Variants in ZNF473 observed in about 807,000 individuals in gnomAD.
ZNF473 encodes the protein zinc finger protein 473.
Under a neutral mutation model 11.1 loss-of-function variants are expected in ZNF473, and 4 were observed. The ratio of observed to expected loss-of-function variants is 0.36; its 90% CI spans 0.18 to 0.82. The LOEUF is 0.82. Ranked by LOEUF, ZNF473 falls within the 40% of genes least tolerant of loss-of-function variation. The pLI is 0.49. For synonymous variants in ZNF473, 404 were observed against 390.4 expected (o/e 1.03, Z -0.41); for missense variants, 854 against 1,084.0 (o/e 0.79, Z 2.98).
In ZNF473 at chr19:50,047,880, C is replaced by T. The variant is rs1979229586; in HGVS notation, c.*821C>T. 1.3e-5 allele frequency: 2 copies of T among 152,204 alleles called. No homozygotes were observed. Among genetic ancestry groups the T allele is most frequent in the African/African-American group, 4.8e-5 (2 of 41,440 alleles). The allele number at this position is 152,204 out of a possible 1,614,324, so 9.4% of individuals were successfully genotyped here. A position where few individuals can be genotyped will look rare whatever the true frequency, so the allele number is the denominator to read the frequency against. ...GTTGACACCAAAACACAGCTGGATT[C>T]CATCAGGAAAGCTGCATTGATCAGG... On this transcript the variant is annotated 3_prime_UTR_variant, in exon 5 of 5. Coordinates refer to ENST00000270617, the MANE Select transcript of ZNF473 (RefSeq NM_015428.4).
At chr19:50,044,629 C>A in intron 4 of ZNF473, 41 bp from the exon 5 acceptor site, 1 of 1,513,148 alleles carries the variant, frequency 6.6e-7, no homozygotes, top group South Asian at 1.2e-5. Flanking sequence ...TCTGTGTTCT[C>A]ACCCTTAGTG....
chr19:50,040,372 G>C (rs1320056243), intron 3 of ZNF473, among the ~76,000 whole-genome samples: 2 of 152,226 alleles, frequency 1.3e-5, no homozygotes, highest in East Asian at 3.8e-4. Flanking sequence ...TTTACTGGGG[G>C]CTGGTCATGT....
At chr19:50,027,662 G>C (rs138521203) in intron 1 of ZNF473, among the ~76,000 whole-genome samples, 76 of 152,240 alleles carry the variant, frequency 5.0e-4, no homozygotes, top group African/African-American at 1.6e-3. Flanking sequence ...AGGTGAGGCT[G>C]CGGGGCCTTG....
chr19:50,034,375 AG>A (rs1185481284), intron 2 of ZNF473, among the ~76,000 whole-genome samples: 8 of 152,172 alleles, frequency 5.3e-5, no homozygotes, highest in Non-Finnish European at 1.0e-4. Flanking sequence ...CAGCAAGAGG[AG>A]GATGCTGTTT....
chr19:50,038,412 T>TC (rs1568407457), intron 2 of ZNF473, among the ~76,000 whole-genome samples: 1 of 151,900 alleles, frequency 6.6e-6, no homozygotes, highest in African/African-American at 2.4e-5. Flanking sequence ...AGTGGGTCTT[T>TC]CCCCCAGAAG....
rs2278284 is a variant in ZNF473 at position 50,039,609 on chromosome 19, C to T, written c.136+322C>T. Among the ~76,000 whole-genome samples the T allele has an allele frequency of 0.13, 20,300 of 152,318 alleles. 1,534 individuals are homozygous for T. Among genetic ancestry groups the T allele is most frequent in the East Asian group, 0.34 (1,742 of 5,178 alleles). On this transcript the variant is annotated intron_variant, in intron 3 of 4. Transcript: ENST00000270617. This position sits in a 1 kb window ranked among gnomAD's most constrained non-coding sequence, Gnocchi z 4.8. ...GTCAGTAGTGCTAAGCCTGGGAAAC[C>T]CTGCTCTGGCCCCTATCTGCCTCCC...
Position 50,047,340 on chromosome 19 carries a change from G to A in ZNF473, c.*281G>A. The A allele has an allele frequency of 2.8e-6, 1 of 361,464 alleles. No individual in the cohort carries two copies. The highest frequency in any genetic ancestry group is 5.1e-6 in the Non-Finnish European group (1 of 194,260). The allele number at this position is 361,464 out of a possible 1,614,324, so 22.4% of individuals were successfully genotyped here. ...TTGGGAAGGTCAGAAAAATCTCTCAGGGCCTCGGTGTCCTTATCTGTAAAA... is the reference window on the plus strand; with the variant it reads ...TTGGGAAGGTCAGAAAAATCTCTCAAGGCCTCGGTGTCCTTATCTGTAAAA... On this transcript the variant is annotated 3_prime_UTR_variant, in exon 5 of 5. Coordinates refer to ENST00000270617, the MANE Select transcript of ZNF473 (RefSeq NM_015428.4).
At chr19:50,030,725 C>T (rs1015214418) in intron 1 of ZNF473, among the ~76,000 whole-genome samples, 167 bp from the exon 2 acceptor site, 7 of 152,254 alleles carry the variant, frequency 4.6e-5, no homozygotes, top group African/African-American at 1.7e-4. Flanking sequence ...GAAGCTCCCA[C>T]TGTGGCCATA....
rs555621639 is a variant in ZNF473, at chr19:50,032,901, C to T, written c.9+1810C>T. ...CCTCCCTGTATCTTCACATTGTCTT[C>T]CCTCAGCCTGTGTTTGTCTTTGTGT... On this transcript the variant is annotated intron_variant, in intron 2 of 4. Coordinates refer to ENST00000270617, the MANE Select transcript of ZNF473 (RefSeq NM_015428.4). 2.4e-4 allele frequency among the ~76,000 whole-genome samples: 36 copies of T among 152,254 alleles called. 1 individual carries two copies. The South Asian group carries it at 5.2e-3, about 22-fold the overall frequency.
intron 2 of ZNF473, among the ~76,000 whole-genome samples, chr19:50,031,425 C>T (rs1355309636): frequency 6.6e-6 from 1 of 152,196 alleles, no homozygotes; most frequent in African/African-American, 2.4e-5. Context: ...ATAACAAATA[C>T]TCCCTTTGGC....
At chr19:50,041,598 C>A in intron 3 of ZNF473, 132 bp from the exon 4 acceptor site, 1 of 704,538 alleles carries the variant, frequency 1.4e-6, no homozygotes, top group Non-Finnish European at 2.3e-6. Flanking sequence ...CCCAGTGCAG[C>A]ACCTCGTCCA....
At chr19:50,038,246 C>T (rs1374360167) in intron 2 of ZNF473, among the ~76,000 whole-genome samples, 1 of 148,672 alleles carries the variant, frequency 6.7e-6, no homozygotes, top group Non-Finnish European at 1.5e-5. Flanking sequence ...TATATACATG[C>T]ACACACACAT....
Position 50,039,600 on chromosome 19 carries a change from C to T in ZNF473, c.136+313C>T, listed in dbSNP as rs147017607. Among the ~76,000 whole-genome samples the T allele has an allele frequency of 6.6e-6, 1 of 152,382 alleles. No individual in the cohort carries two copies. The highest frequency in any genetic ancestry group is 1.9e-4 in the East Asian group (1 of 5,190). ...CACGCCAGTGTCAGTAGTGCTAAGC[C>T]TGGGAAACCCTGCTCTGGCCCCTAT... On this transcript the variant is annotated intron_variant, in intron 3 of 4. Coordinates refer to ENST00000270617, the MANE Select transcript of ZNF473 (RefSeq NM_015428.4). This position sits in a 1 kb window ranked among gnomAD's most constrained non-coding sequence, Gnocchi z 4.8.
At chr19:50,034,721 C>T (rs1426856669) in intron 2 of ZNF473, among the ~76,000 whole-genome samples, 1 of 149,240 alleles carries the variant, frequency 6.7e-6, no homozygotes, top group Non-Finnish European at 1.5e-5. Flanking sequence ...AACAGTTATT[C>T]GGTCCTTTGA....
At position 50,046,349 on chromosome 19, in the gene ZNF473, C is replaced by T; in HGVS notation, c.1906C>T (p.Leu636Phe). 6.2e-7 allele frequency: 1 copy of T among 1,614,214 alleles called. No homozygotes were observed. The highest frequency in any genetic ancestry group is 8.5e-7 in the Non-Finnish European group (1 of 1,180,040). Reference sequence around the variant, plus strand: ...CATCAGCAGTGCCTCCCTTATCAAACTTCAGTCCTTCCACACAAAGGAGCA... The same window carrying T: ...CATCAGCAGTGCCTCCCTTATCAAATTTCAGTCCTTCCACACAAAGGAGCA... Reference protein sequence around the residue: ...KAISSASLIKLQSFHTKEHPF... With the variant: ...KAISSASLIKFQSFHTKEHPF... Residue 636 changes from leucine to phenylalanine, a missense_variant, in exon 5 of 5, where the codon CTT (leucine) becomes TTT (phenylalanine). Physicochemically the swap from Leu to Phe is conservative, Grantham distance 22 (BLOSUM62 0). Coordinates refer to ENST00000270617, the MANE Select transcript of ZNF473 (RefSeq NM_015428.4). The surrounding 1 kb of genome is among the most constrained non-coding windows in gnomAD (Gnocchi z 5.9).
At position 50,044,981 on chromosome 19, in the gene ZNF473, C is replaced by CCAGCTA; in HGVS notation, c.539_544dup (p.Ala181_Lys182insThrAla). ...TAATGTTTCTGAAAAGACCCTCACA[C>CCAGCTA]CAGCTAAGTCTAAGGAATATAGGGG... On this transcript the variant is annotated inframe_insertion, in exon 5 of 5. Coordinates refer to ENST00000270617, the MANE Select transcript of ZNF473 (RefSeq NM_015428.4). The CCAGCTA allele has an allele frequency of 6.2e-7, 1 of 1,614,232 alleles. No individual in the cohort carries two copies. The highest frequency in any genetic ancestry group is 1.6e-4 in the Middle Eastern group (1 of 6,062).
Position 50,041,836 on chromosome 19 carries a change from G to A in ZNF473, c.226+17G>A. On this transcript the variant is annotated intron_variant, in intron 4 of 4. Coordinates refer to ENST00000270617, the MANE Select transcript of ZNF473 (RefSeq NM_015428.4). ...CAAGCCCTGGTGAGTGGATGGAGAG[G>A]GGCCCCTTGTGTACCTTCTGTCTTC... 1 of 1,598,960 alleles carries A rather than the reference G, an allele frequency of 6.3e-7. No homozygotes were observed. Among genetic ancestry groups the A allele is most frequent in the South Asian group, 1.1e-5 (1 of 89,532 alleles).
intron 2 of ZNF473, among the ~76,000 whole-genome samples, chr19:50,031,790 T>C (rs76616151): frequency 6.6e-6 from 1 of 152,230 alleles, no homozygotes; most frequent in East Asian, 1.9e-4. Flanking sequence ...GAGGTGTTAG[T>C]TGAATGAATG....
intron 2 of ZNF473, among the ~76,000 whole-genome samples, chr19:50,037,267 G>A (rs922905058): frequency 3.4e-4 from 51 of 152,144 alleles, no homozygotes; most frequent in African/African-American, 1.2e-3. Context: ...TTTCACTAGG[G>A]GAGCAGGAAT....
Sources: gnomAD v4.1 joint callset for allele counts (sites outside exome capture counted in the v4.1 genomes callset) on GRCh38, gnomAD v4.1.1 for gene constraint, Gnocchi (gnomAD v3.1) non-coding constraint, MANE v1.5 for transcripts, NCBI Gene and HGNC (gene_info 2026-07-23, HGNC 2026-07-21) for gene names.